Variants in ZBTB7C observed in about 807,000 individuals in gnomAD.
ZBTB7C encodes zinc finger and BTB domain containing 7C.
In ZBTB7C, 8 loss-of-function variants were observed where a neutral mutation model predicts 25.7. The observed-to-expected ratio is 0.31, with a 90% CI of 0.18 to 0.56. The LOEUF is 0.56. ZBTB7C is among the 20% of genes least tolerant of loss of function. The probability of loss-of-function intolerance (pLI) is 0.91; values close to 1 mark genes in which losing one functional copy is unlikely to be tolerated. For synonymous variants in ZBTB7C, 394 were observed against 369.0 expected (o/e 1.07, Z -0.78); for missense variants, 824 against 855.2 (o/e 0.96, Z 0.46).
intron 3 of ZBTB7C, among the ~76,000 whole-genome samples, chr18:48,078,265 G>A (rs997990610): frequency 6.6e-6 from 1 of 152,246 alleles, no homozygotes; most frequent in African/African-American, 2.4e-5. Context: ...CCGGGAGAGA[G>A]CCCAGGAAAA....
At chr18:48,250,699 G>C (rs1476087169) in intron 2 of ZBTB7C, among the ~76,000 whole-genome samples, 2 of 151,784 alleles carry the variant, frequency 1.3e-5, no homozygotes, top group African/African-American at 2.4e-5. Context: ...ACTTTAATGA[G>C]ATTAAGACCT....
chr18:48,177,359 A>G (rs556638133), intron 3 of ZBTB7C, among the ~76,000 whole-genome samples: 1 of 151,720 alleles, frequency 6.6e-6, no homozygotes, highest in South Asian at 2.1e-4. Context: ...CCTCCTGGTG[A>G]CTCCTGTGAC....
At chr18:48,257,071 A>G (rs2044041666) in intron 2 of ZBTB7C, among the ~76,000 whole-genome samples, 1 of 152,040 alleles carries the variant, frequency 6.6e-6, no homozygotes, top group South Asian at 2.1e-4. Context: ...AGACTGTTAG[A>G]TTGGATATAA....
At chr18:48,288,400 C>T (rs1482457579) in intron 2 of ZBTB7C, among the ~76,000 whole-genome samples, 1 of 151,996 alleles carries the variant, frequency 6.6e-6, no homozygotes, top group Admixed American at 6.6e-5. Flanking sequence ...TGTAATCCCC[C>T]ACTTTGGGAG....
chr18:48,351,333 G>C (rs1246737769), intron 1 of ZBTB7C, among the ~76,000 whole-genome samples: 1 of 152,132 alleles, frequency 6.6e-6, no homozygotes, highest in East Asian at 1.9e-4. Context: ...CGGGGCAGGA[G>C]TGGAGAGGAG....
intron 2 of ZBTB7C, among the ~76,000 whole-genome samples, chr18:48,289,762 G>C (rs145219283): frequency 6.6e-6 from 1 of 151,904 alleles, no homozygotes; most frequent in Admixed American, 6.6e-5. Flanking sequence ...TCCTATATGC[G>C]CCCAGGTACA....
intron 1 of ZBTB7C, among the ~76,000 whole-genome samples, chr18:48,348,337 T>C (rs1289776443): frequency 6.6e-6 from 1 of 152,186 alleles, no homozygotes; most frequent in Non-Finnish European, 1.5e-5. Flanking sequence ...AGGCTTACAA[T>C]GGGTAAGCAG....
chr18:48,230,062 T>A (rs2043211131), intron 2 of ZBTB7C, among the ~76,000 whole-genome samples: 1 of 152,210 alleles, frequency 6.6e-6, no homozygotes, highest in South Asian at 2.1e-4. Flanking sequence ...ATTTTCTAAA[T>A]AAAATCATTT....
At chr18:48,063,215 A>G (rs2037190458) in intron 3 of ZBTB7C, among the ~76,000 whole-genome samples, 1 of 152,192 alleles carries the variant, frequency 6.6e-6, no homozygotes, top group Non-Finnish European at 1.5e-5. Context: ...ACCCTCGTTC[A>G]TCTCCGCCTC....
chr18:48,123,773 A>C (rs2039707471), intron 3 of ZBTB7C, among the ~76,000 whole-genome samples: 1 of 152,240 alleles, frequency 6.6e-6, no homozygotes, highest in Non-Finnish European at 1.5e-5. Context: ...TATAGAAGTA[A>C]GTGCTGCAGG....
At chr18:48,055,963 C>G (rs76197127) in intron 3 of ZBTB7C, among the ~76,000 whole-genome samples, 1 of 152,146 alleles carries the variant, frequency 6.6e-6, no homozygotes, top group South Asian at 2.1e-4. Flanking sequence ...CCTAGAAGGT[C>G]GGCTTCCCAT....
chr18:48,359,322 G>A (rs970486975), intron 1 of ZBTB7C, among the ~76,000 whole-genome samples: 1 of 151,270 alleles, frequency 6.6e-6, no homozygotes, highest in Non-Finnish European at 1.5e-5. Context: ...TTTCAGAGCA[G>A]GTCTAGAAAG....
Position 48,029,601 on chromosome 18 carries a change from T to C in ZBTB7C, c.1519A>G (p.Met507Val), listed in dbSNP as rs372944547. 2.7e-6 allele frequency: 4 copies of C among 1,488,210 alleles called. No individual in the cohort carries two copies. Among genetic ancestry groups the C allele is most frequent in the South Asian group, 2.7e-5 (2 of 74,844 alleles). The allele number at this position is 1,488,210 out of a possible 1,614,324, so 92.2% of individuals were successfully genotyped here. The change falls in exon 5 of 5, where the codon ATG (methionine) becomes GTG (valine). Residue 507 changes from methionine to valine, a missense_variant. Physicochemically the swap from Met to Val is conservative, Grantham distance 21. Transcript: ENST00000590800. ...GPAPDKAAFV[M>V]PPALGEVGGH... ...CCCACCTCGCCCAGCGCAGGGGGCA[T>C]CACGAAGGCCGCCTTGTCGGGGGCC...
intron 3 of ZBTB7C, among the ~76,000 whole-genome samples, chr18:48,151,402 G>GT (rs1268258489): frequency 2.0e-5 from 3 of 152,128 alleles, no homozygotes; most frequent in African/African-American, 7.2e-5. Flanking sequence ...ATGAAAGGGG[G>GT]TATGAACATG....
chr18:48,119,993 C>T (rs1397239856), intron 3 of ZBTB7C, among the ~76,000 whole-genome samples: 1 of 152,066 alleles, frequency 6.6e-6, no homozygotes, highest in Non-Finnish European at 1.5e-5. Context: ...TTTCTCGAAC[C>T]GTCATGTGCA....
At chr18:48,394,659 C>CTGTGTGCGTA (rs974477604) in intron 1 of ZBTB7C, among the ~76,000 whole-genome samples, 1 of 152,060 alleles carries the variant, frequency 6.6e-6, no homozygotes, top group Non-Finnish European at 1.5e-5. Context: ...TTGTGTGTGT[C>CTGTGTGCGTA]TGTGTGCGTA....
At chr18:48,295,244 T>C (rs1374259185) in intron 2 of ZBTB7C, among the ~76,000 whole-genome samples, 1 of 152,174 alleles carries the variant, frequency 6.6e-6, no homozygotes, top group Non-Finnish European at 1.5e-5. Context: ...GGAATATGCA[T>C]TCTGATGAGT....
At position 48,209,874 on chromosome 18, in the gene ZBTB7C, T is replaced by C. The variant is rs193122328; in HGVS notation, c.-78-23879A>G. Among the ~76,000 whole-genome samples, 14 of 152,110 alleles carry C rather than the reference T, an allele frequency of 9.2e-5. No individual in the cohort carries two copies. The East Asian group carries it at 2.7e-3, about 29-fold the overall frequency. ...GTTTTAATGGACACCATCAATAAAG[T>C]GAAAAGCAACCCACACTTGGTAGAA... is the stretch of plus-strand genomic sequence containing the variant. On this transcript the variant is annotated intron_variant, in intron 2 of 4. Coordinates refer to ENST00000590800, the MANE Select transcript of ZBTB7C (RefSeq NM_001318841.2).
At chr18:48,137,779 G>A (rs183627854) in intron 3 of ZBTB7C, among the ~76,000 whole-genome samples, 29 of 152,370 alleles carry the variant, frequency 1.9e-4, no homozygotes, top group Admixed American at 1.6e-3. Flanking sequence ...GACATATCAC[G>A]CAGGCTGACT....
Sources: gnomAD v4.1 joint callset for allele counts (sites outside exome capture counted in the v4.1 genomes callset) on GRCh38, gnomAD v4.1.1 for gene constraint, MANE v1.5 for transcripts, NCBI Gene and HGNC (gene_info 2026-07-23, HGNC 2026-07-21) for gene names.